The following NRXN1 variants were observed in gnomAD, a reference collection of about 807,000 sequenced individuals.
NRXN1 encodes neurexin 1.
NRXN1 carries 39 observed loss-of-function variants against 150.9 expected under a neutral mutation model. That is an observed-to-expected ratio of 0.26 (90% CI 0.20 to 0.34). NRXN1 has a LOEUF of 0.34. Ranked by LOEUF, NRXN1 falls within the 10% of genes least tolerant of loss-of-function variation. The pLI is 1.00. For synonymous variants in NRXN1, 924 were observed against 757.0 expected, an observed-to-expected ratio of 1.22 and a Z score of -3.62; for missense variants, 1,815 against 1,949.9, an observed-to-expected ratio of 0.93 and a Z score of 1.30.
chr2:50,364,906 A>C (rs2079480548), intron 17 of NRXN1, among the ~76,000 whole-genome samples: 1 of 152,056 alleles, frequency 6.6e-6, no homozygotes, highest in Non-Finnish European at 1.5e-5. Flanking sequence ...TCTCTAGGGA[A>C]ACTGCAAGAG....
intron 5 of NRXN1, among the ~76,000 whole-genome samples, chr2:50,658,171 TA>T (rs1686763894): frequency 6.6e-6 from 1 of 152,090 alleles, no homozygotes; most frequent in African/African-American, 2.4e-5. Context: ...TATCAAAATA[TA>T]AAACCCCTAC....
chr2:50,829,805 C>G, intron 5 of NRXN1: 1 of 1,468,822 alleles, frequency 6.8e-7, no homozygotes, highest in Non-Finnish European at 9.1e-7. Context: ...AGTAACTTAA[C>G]TTTTGGTAAC....
chr2:50,509,526 C>T (rs996312164), intron 12 of NRXN1, among the ~76,000 whole-genome samples: 2 of 152,194 alleles, frequency 1.3e-5, no homozygotes, highest in Non-Finnish European at 2.9e-5. Context: ...GTGGTCTCAG[C>T]ATTCCCATCC....
chr2:50,068,626 A>G (rs1695731704), intron 19 of NRXN1, among the ~76,000 whole-genome samples: 2 of 152,218 alleles, frequency 1.3e-5, no homozygotes, highest in African/African-American at 4.8e-5. Context: ...TATCCATAAT[A>G]TATGCCAATC....
chr2:50,546,352 C>A (rs957362626), intron 9 of NRXN1, among the ~76,000 whole-genome samples: 3 of 152,100 alleles, frequency 2.0e-5, no homozygotes, highest in African/African-American at 7.2e-5. Flanking sequence ...CTGTGAGTTT[C>A]TTTTCTTTAG....
intron 16 of NRXN1, 111 bp downstream of exon 16, chr2:50,472,187 C>A: frequency 1.1e-6 from 1 of 878,164 alleles, no homozygotes; most frequent in Non-Finnish European, 1.6e-6. Flanking sequence ...ATGTCTAAGC[C>A]CAAATTGGGT....
At chr2:50,333,693 G>C (rs1382648333) in intron 17 of NRXN1, among the ~76,000 whole-genome samples, 1 of 151,904 alleles carries the variant, frequency 6.6e-6, no homozygotes, top group Non-Finnish European at 1.5e-5. Flanking sequence ...GAATGGATTT[G>C]ACGGCCTCTA....
intron 5 of NRXN1, among the ~76,000 whole-genome samples, chr2:50,751,766 T>C (rs1404149600): frequency 1.3e-5 from 2 of 152,006 alleles, no homozygotes. Context: ...ATCATTTAAT[T>C]AAATTAGTCA....
chr2:50,651,549 G>T (rs1685634311), intron 5 of NRXN1, among the ~76,000 whole-genome samples: 1 of 151,964 alleles, frequency 6.6e-6, no homozygotes, highest in Non-Finnish European at 1.5e-5. Flanking sequence ...AATACACTGG[G>T]AGGCTGAGGC....
chr2:49,931,331 C>T (rs747784093), intron 22 of NRXN1, among the ~76,000 whole-genome samples: 2 of 152,010 alleles, frequency 1.3e-5, no homozygotes, highest in Non-Finnish European at 1.5e-5. Flanking sequence ...GATCAATATA[C>T]AATAATGAAA....
chr2:50,413,367 G>GA (rs2083322503), intron 17 of NRXN1, among the ~76,000 whole-genome samples: 1 of 152,110 alleles, frequency 6.6e-6, no homozygotes, highest in Non-Finnish European at 1.5e-5. Context: ...AGAAATGCCT[G>GA]AATAGACATT....
At chr2:50,190,583 C>T (rs1018842221) in intron 18 of NRXN1, among the ~76,000 whole-genome samples, 4 of 151,598 alleles carry the variant, frequency 2.6e-5, no homozygotes, top group Non-Finnish European at 1.5e-5. Flanking sequence ...GTCTCCAAGC[C>T]CCATTATCAC....
chr2:50,011,448 T>C (rs1685648616), intron 21 of NRXN1, among the ~76,000 whole-genome samples: 1 of 152,170 alleles, frequency 6.6e-6, no homozygotes, highest in African/African-American at 2.4e-5. Context: ...GATTGACTTT[T>C]GGTGAGAAAC....
intron 5 of NRXN1, among the ~76,000 whole-genome samples, chr2:50,737,233 T>C (rs536634747): frequency 1.6e-3 from 238 of 152,276 alleles, no homozygotes; most frequent in African/African-American, 5.4e-3. Context: ...ATTTGAGATG[T>C]TGGTGCTAAT....
chr2:50,781,422 C>T (rs1437949446), intron 5 of NRXN1, among the ~76,000 whole-genome samples: 1 of 150,196 alleles, frequency 6.7e-6, no homozygotes, highest in Non-Finnish European at 1.5e-5. Flanking sequence ...TGCAGAAATG[C>T]AAATGACACA....
intron 18 of NRXN1, among the ~76,000 whole-genome samples, chr2:50,156,047 T>C (rs1441521748): frequency 6.6e-6 from 1 of 151,756 alleles, no homozygotes; most frequent in African/African-American, 2.4e-5. Context: ...GTTTTTAGCA[T>C]TTATCTCTGG....
intron 18 of NRXN1, among the ~76,000 whole-genome samples, chr2:50,094,404 G>T (rs886271022): frequency 3.9e-5 from 6 of 152,166 alleles, no homozygotes; most frequent in Non-Finnish European, 4.4e-5. Context: ...TCCACATACT[G>T]CAGGGTGGAA....
intron 19 of NRXN1, among the ~76,000 whole-genome samples, chr2:50,065,197 T>G (rs1157982668): frequency 2.0e-5 from 3 of 152,186 alleles, no homozygotes; most frequent in African/African-American, 7.2e-5. Flanking sequence ...TTAGGTTATC[T>G]TGTTTAATGC....
At chr2:50,589,037 G>A (rs192807521) in intron 8 of NRXN1, 25 of 152,200 alleles carry the variant, frequency 1.6e-4, no homozygotes, top group East Asian at 9.7e-4. Flanking sequence ...CCCGAAGCCC[G>A]GTAGGATGAG....
Sources: gnomAD v4.1 joint callset for allele counts (sites outside exome capture counted in the v4.1 genomes callset) on GRCh38, gnomAD v4.1.1 for gene constraint, MANE v1.5 for transcripts, NCBI Gene and HGNC (gene_info 2026-07-23, HGNC 2026-07-21) for gene names.